The following ATRN variants were observed in gnomAD, a reference collection of about 807,000 sequenced individuals.
The protein encoded by ATRN is attractin-2.
Under a neutral mutation model 178.7 loss-of-function variants are expected in ATRN, and 54 were observed. The observed-to-expected ratio is 0.30, with a 90% CI of 0.24 to 0.38. The LOEUF (loss-of-function observed/expected upper bound fraction) is 0.38. Among genes scored for constraint, ATRN ranks in the 10% least tolerant of loss-of-function variants. The pLI is 1.00. For missense variants in ATRN, 1,443 were observed against 1,815.1 expected, an observed-to-expected ratio of 0.79 and a Z score of 3.73; for synonymous variants, 636 against 663.0, an observed-to-expected ratio of 0.96 and a Z score of 0.63.
At chr20:3,620,609 A>G (rs2086889649) in intron 24 of ATRN, among the ~76,000 whole-genome samples, 1 of 152,192 alleles carries the variant, frequency 6.6e-6, no homozygotes, top group Non-Finnish European at 1.5e-5. Context: ...TAGCATCAGA[A>G]TCACTGGAGG....
At chr20:3,490,950 A>G (rs555583352) in intron 1 of ATRN, 17 of 1,523,584 alleles carry the variant, frequency 1.1e-5, no homozygotes, top group South Asian at 1.0e-4. Context: ...CATGACGTCC[A>G]TGAGCCTTTC....
At chr20:3,634,457 C>T (rs1419315807) in intron 26 of ATRN, 68 bp downstream of exon 26, 1 of 1,461,058 alleles carries the variant, frequency 6.8e-7, no homozygotes, top group African/African-American at 1.4e-5. Context: ...TTCTCTTAAG[C>T]AAGTGGGTTT....
chr20:3,543,673 C>T (rs1438444084), intron 3 of ATRN, among the ~76,000 whole-genome samples: 1 of 150,166 alleles, frequency 6.7e-6, no homozygotes, highest in East Asian at 2.0e-4. Flanking sequence ...TGCGGTGAGC[C>T]GAGATTGTGC....
chr20:3,526,813 AAAAC>A (rs1176184731), intron 1 of ATRN, among the ~76,000 whole-genome samples: 7 of 152,344 alleles, frequency 4.6e-5, no homozygotes, highest in African/African-American at 1.7e-4. Flanking sequence ...AAACCTGACA[AAAAC>A]AAACAATGGG....
At chr20:3,547,225 T>C (rs2085716626) in intron 4 of ATRN, 59 bp from the exon 5 acceptor site, 1 of 1,333,666 alleles carries the variant, frequency 7.5e-7, no homozygotes. Context: ...GAGGAAGTTA[T>C]GCTAAGTTAA....
intron 1 of ATRN, among the ~76,000 whole-genome samples, chr20:3,526,824 T>C (rs999902500): frequency 1.3e-5 from 2 of 152,120 alleles, no homozygotes; most frequent in Non-Finnish European, 2.9e-5. Flanking sequence ...AAACAAACAA[T>C]GGGGAAAGGA....
At chr20:3,585,040 G>A (rs2086338653) in intron 18 of ATRN, among the ~76,000 whole-genome samples, 160 bp downstream of exon 18, 3 of 152,204 alleles carry the variant, frequency 2.0e-5, no homozygotes. Context: ...GCTGGTCCAA[G>A]GCCTGACCTG....
chr20:3,473,014 A>G (rs916856391), intron 1 of ATRN, among the ~76,000 whole-genome samples: 2 of 152,202 alleles, frequency 1.3e-5, no homozygotes, highest in African/African-American at 4.8e-5. Context: ...TGGATGGAGA[A>G]ACCAAGTTAC....
At chr20:3,575,766 C>A in intron 12 of ATRN, 61 bp from the exon 13 acceptor site, 1 of 1,511,224 alleles carries the variant, frequency 6.6e-7, no homozygotes, top group Non-Finnish European at 8.9e-7. Flanking sequence ...TTTTTAACTT[C>A]GGTCTCAGAT....
At chr20:3,500,576 T>C (rs2084947112) in intron 1 of ATRN, among the ~76,000 whole-genome samples, 2 of 151,114 alleles carry the variant, frequency 1.3e-5, no homozygotes, top group Non-Finnish European at 2.9e-5. Context: ...CTCAGTAAAC[T>C]ATCGCAAGAA....
intron 2 of ATRN, among the ~76,000 whole-genome samples, chr20:3,536,960 G>T (rs1281360156): frequency 1.3e-5 from 2 of 152,136 alleles, no homozygotes; most frequent in Admixed American, 6.5e-5. Flanking sequence ...GGAACTTTTG[G>T]TACTTGTTAA....
chr20:3,629,341 C>G (rs2086972397), intron 25 of ATRN: 1 of 975,106 alleles, frequency 1.0e-6, no homozygotes, highest in Non-Finnish European at 1.2e-6. Flanking sequence ...TCTTCTCTTC[C>G]ACATTTCTGC....
At chr20:3,591,364 A>C in intron 19 of ATRN, 58 bp downstream of exon 19, 1 of 1,540,968 alleles carries the variant, frequency 6.5e-7, no homozygotes, top group Non-Finnish European at 8.8e-7. Context: ...CAGCACTTCT[A>C]TTTGACTTGA....
At chr20:3,621,588 G>A (rs764721686) in intron 24 of ATRN, among the ~76,000 whole-genome samples, 3 of 152,028 alleles carry the variant, frequency 2.0e-5, no homozygotes, top group Admixed American at 1.3e-4. Context: ...AGAGAAGAAT[G>A]ACATTATGAG....
intron 1 of ATRN, among the ~76,000 whole-genome samples, chr20:3,531,210 G>A (rs2085449439): frequency 6.6e-6 from 1 of 152,116 alleles, no homozygotes; most frequent in Non-Finnish European, 1.5e-5. Flanking sequence ...AGGGAATTTT[G>A]AATTAAAAAC....
At chr20:3,568,093 A>G (rs2086063797) in intron 11 of ATRN, among the ~76,000 whole-genome samples, 1 of 150,184 alleles carries the variant, frequency 6.7e-6, no homozygotes, top group East Asian at 2.0e-4. Flanking sequence ...GATCAAGACT[A>G]TCCTGGCTAA....
At chr20:3,492,485 T>G (rs1457176195) in intron 1 of ATRN, among the ~76,000 whole-genome samples, 1 of 152,092 alleles carries the variant, frequency 6.6e-6, no homozygotes, top group Non-Finnish European at 1.5e-5. Flanking sequence ...CTTTGTGGTC[T>G]CAGAAGCTGC....
chr20:3,563,179 GT>G (rs754501038), intron 9 of ATRN, 29 bp from the exon 10 acceptor site: 7 of 1,581,250 alleles, frequency 4.4e-6, no homozygotes, highest in Non-Finnish European at 6.1e-6. Flanking sequence ...AACTAACCTT[GT>G]ATTTATTATT....
chr20:3,629,241 G>C (rs1005722457), intron 25 of ATRN: 1 of 985,248 alleles, frequency 1.0e-6, no homozygotes, highest in African/African-American at 1.7e-5. Context: ...TAAAGATCAT[G>C]TATCTAGCCC....
Sources: gnomAD v4.1 joint callset for allele counts (sites outside exome capture counted in the v4.1 genomes callset) on GRCh38, gnomAD v4.1.1 for gene constraint, MANE v1.5 for transcripts, NCBI Gene and HGNC (gene_info 2026-07-23, HGNC 2026-07-21) for gene names.